The following KIF26B variants were observed in gnomAD, a reference collection of about 807,000 sequenced individuals.
KIF26B encodes kinesin family member 26B.
In KIF26B, 63 loss-of-function variants were observed where a neutral mutation model predicts 151.2. The observed-to-expected ratio is 0.42, with a 90% confidence interval of 0.34 to 0.51. The LOEUF (loss-of-function observed/expected upper bound fraction) is 0.51. KIF26B is among the 20% of genes least tolerant of loss of function. The pLI is 0.07. For synonymous variants in KIF26B, 1,357 were observed against 1,262.1 expected (o/e 1.08, Z -1.59); for missense variants, 2,813 against 2,913.6 (o/e 0.97, Z 0.79).
chr1:245,476,503 T>TTTATTTAC (rs2103066668), intron 4 of KIF26B, among the ~76,000 whole-genome samples: 1 of 69,620 alleles, frequency 1.4e-5, no homozygotes, highest in African/African-American at 3.9e-5. Flanking sequence ...GACACATTTA[T>TTTATTTAC]TTATTTATTT....
At chr1:245,254,056 C>T (rs879798853) in intron 2 of KIF26B, among the ~76,000 whole-genome samples, 4 of 151,988 alleles carry the variant, frequency 2.6e-5, no homozygotes, top group African/African-American at 7.2e-5. Flanking sequence ...GTAATTTGCC[C>T]GCCTCGGCCT....
rs772941924 is a variant in KIF26B, at chr1:245,688,223, G to A, written c.5240G>A (p.Gly1747Asp). 59 of 1,587,568 alleles carry A rather than the reference G, an allele frequency of 3.7e-5. No individual in the cohort carries two copies. In the South Asian group the frequency reaches 6.5e-4, roughly 18 times the overall value. Reference sequence around the variant, plus strand: ...CTCCTGGCCAGCCCCAGAGCGCGCGGCCCGTCCGCCTCCACCACCAAAACC... The same window carrying A: ...CTCCTGGCCAGCCCCAGAGCGCGCGACCCGTCCGCCTCCACCACCAAAACC... The part of the protein sequence containing the change: ...RLLLASPRAR[G>D]PSASTTKTLS... The change falls in exon 12 of 15, where the codon GGC becomes GAC. Residue 1747 changes from glycine to aspartate, a missense_variant. Physicochemically the swap from Gly to Asp is moderately conservative, Grantham distance 94. Around this residue, in one of 3 missense-constraint regions of KIF26B, gnomAD observed 2,060 missense variants for 2,088.6 expected, o/e 0.99. Transcript: ENST00000407071.
chr1:245,623,610 G>A (rs1031781553), intron 9 of KIF26B, among the ~76,000 whole-genome samples: 4 of 152,184 alleles, frequency 2.6e-5, no homozygotes, highest in Non-Finnish European at 5.9e-5. Context: ...CTTTGTGAGC[G>A]CCAAATGACA....
intron 2 of KIF26B, among the ~76,000 whole-genome samples, chr1:245,321,520 G>C (rs1461513122): frequency 6.6e-6 from 1 of 152,148 alleles, no homozygotes; most frequent in Non-Finnish European, 1.5e-5. Context: ...GTTTCTCTGA[G>C]GAAAATCAGC....
intron 5 of KIF26B, among the ~76,000 whole-genome samples, chr1:245,582,410 C>T (rs753997935): frequency 2.0e-5 from 3 of 151,900 alleles, no homozygotes; most frequent in African/African-American, 4.8e-5. Context: ...CTTACCAGGC[C>T]GTTAATCTAA....
chr1:245,646,767 G>T (rs1417244740), intron 10 of KIF26B, among the ~76,000 whole-genome samples: 1 of 152,190 alleles, frequency 6.6e-6, no homozygotes, highest in African/African-American at 2.4e-5. Flanking sequence ...CGCTCCTGGT[G>T]ACATGTATTT....
intron 2 of KIF26B, among the ~76,000 whole-genome samples, chr1:245,188,348 C>T (rs2103531362): frequency 6.7e-6 from 1 of 150,128 alleles, no homozygotes; most frequent in African/African-American, 2.5e-5. Flanking sequence ...GTCGGTGAAG[C>T]CGGGAGAGTA....
At chr1:245,621,600 C>T (rs1484471089) in intron 9 of KIF26B, among the ~76,000 whole-genome samples, 1 of 152,196 alleles carries the variant, frequency 6.6e-6, no homozygotes, top group Non-Finnish European at 1.5e-5. Context: ...TCCTTTAACC[C>T]TGCAGTCTTG....
At chr1:245,164,382 A>G (rs956622505) in intron 2 of KIF26B, among the ~76,000 whole-genome samples, 3 of 152,230 alleles carry the variant, frequency 2.0e-5, no homozygotes, top group Non-Finnish European at 4.4e-5. Context: ...TTTGATATTC[A>G]TATGCCAATG....
At chr1:245,200,070 A>C (rs1669271047) in intron 2 of KIF26B, among the ~76,000 whole-genome samples, 1 of 152,146 alleles carries the variant, frequency 6.6e-6, no homozygotes, top group African/African-American at 2.4e-5. Flanking sequence ...AATTCACGAG[A>C]TTGTTCTAAC....
chr1:245,544,177 T>C (rs915116536), intron 5 of KIF26B, among the ~76,000 whole-genome samples: 1 of 152,144 alleles, frequency 6.6e-6, no homozygotes, highest in Non-Finnish European at 1.5e-5. Flanking sequence ...TGTGGAAAAA[T>C]TTCCATCAAT....
chr1:245,157,494 G>A (rs1331493449), intron 2 of KIF26B, among the ~76,000 whole-genome samples: 1 of 152,222 alleles, frequency 6.6e-6, no homozygotes, highest in African/African-American at 2.4e-5. Context: ...TCAATTTCTG[G>A]TTTATTATTT....
chr1:245,254,769 G>A lies in KIF26B; in HGVS notation c.465+98086G>A, dbSNP rs373023207. On this transcript the variant is annotated intron_variant, in intron 2 of 14. Transcript: ENST00000407071. ...TTTGCTGCCAGTGCATTCCAAGAGG[G>A]CTGTACCCTGGGGGCTATGCAGGCA... Among the ~76,000 whole-genome samples, 28 of 152,292 alleles carry A rather than the reference G, an allele frequency of 1.8e-4. 1 individual carries two copies. The East Asian group carries it at 2.3e-3, about 13-fold the overall frequency.
At chr1:245,423,675 A>C (rs1416968384) in intron 4 of KIF26B, among the ~76,000 whole-genome samples, 2 of 152,184 alleles carry the variant, frequency 1.3e-5, no homozygotes, top group Non-Finnish European at 2.9e-5. Flanking sequence ...GAGGATTCCT[A>C]CCTTTACACG....
At chr1:245,193,486 G>A (rs74930047) in intron 2 of KIF26B, among the ~76,000 whole-genome samples, 5,352 of 150,286 alleles carry the variant, frequency 0.036, 150 homozygotes, top group Non-Finnish European at 0.051. Flanking sequence ...TAAATAAACC[G>A]GAAAGCTTAG....
chr1:245,162,764 T>A (rs6429528), intron 2 of KIF26B, among the ~76,000 whole-genome samples: 127,597 of 152,190 alleles, frequency 0.84, 54,910 homozygotes, highest in South Asian at 0.94. Context: ...AGATATCAAC[T>A]CAGTTTGTAT....
At chr1:245,547,833 T>C (rs1393885089) in intron 5 of KIF26B, among the ~76,000 whole-genome samples, 1 of 152,108 alleles carries the variant, frequency 6.6e-6, no homozygotes. Flanking sequence ...CAGAGCAAAA[T>C]GGATGAAAGG....
At position 245,609,301 on chromosome 1, in the gene KIF26B, A is replaced by G. The variant is rs368456421; in HGVS notation, c.1687A>G (p.Met563Val). Reference protein sequence around the residue: ...SYTMIGKDDSMQNLGIIPCAI... With the variant: ...SYTMIGKDDSVQNLGIIPCAI... ...CACCATGATCGGAAAGGATGATTCC[A>G]TGCAGAACCTGGGCATCATTCCCTG... Residue 563 changes from methionine (M) to valine (V), a missense_variant, in exon 8 of 15, where the codon ATG becomes GTG. This residue lies in a region of KIF26B where 77 missense variants were observed against 136.9 expected (regional missense o/e 0.56). Coordinates refer to ENST00000407071, the MANE Select transcript of KIF26B (RefSeq NM_018012.4). 24 of 1,610,782 alleles carry G rather than the reference A, an allele frequency of 1.5e-5. No homozygotes were observed. In the African/African-American group the frequency reaches 3.1e-4, roughly 21 times the overall value.
intron 2 of KIF26B, among the ~76,000 whole-genome samples, chr1:245,337,868 A>G (rs1412423867): frequency 6.6e-6 from 1 of 152,148 alleles, no homozygotes; most frequent in African/African-American, 2.4e-5. Context: ...GAAACTTATC[A>G]CCCTTCGCAG....
Sources: gnomAD v4.1 joint callset for allele counts (sites outside exome capture counted in the v4.1 genomes callset) on GRCh38, gnomAD v4.1.1 for gene constraint, gnomAD v4.1.1 regional missense constraint, MANE v1.5 for transcripts, NCBI Gene and HGNC (gene_info 2026-07-23, HGNC 2026-07-21) for gene names.